The following KCNK9 variants were observed in gnomAD, a reference collection of about 807,000 sequenced individuals.
The protein encoded by KCNK9 is potassium channel subfamily K member 9.
Under a neutral mutation model 10.8 loss-of-function variants are expected in KCNK9, and 1 was observed. That is an observed-to-expected ratio of 0.09 (90% CI 0.03 to 0.44). KCNK9 has a LOEUF of 0.44. Among genes scored for constraint, KCNK9 ranks in the 20% least tolerant of loss-of-function variants. The probability of loss-of-function intolerance (pLI) is 0.97; values close to 1 mark genes in which losing one functional copy is unlikely to be tolerated. For missense variants in KCNK9, 303 were observed against 515.0 expected (o/e 0.59, Z 3.98); for synonymous variants, 231 against 222.7 (o/e 1.04, Z -0.33).
chr8:139,701,247 C>T (rs555479830), intron 1 of KCNK9, among the ~76,000 whole-genome samples: 2 of 152,164 alleles, frequency 1.3e-5, no homozygotes, highest in South Asian at 4.2e-4. Flanking sequence ...GGGCAAAGGG[C>T]GTGGGGCAAG....
chr8:139,664,603 C>T (rs904946759), intron 1 of KCNK9, among the ~76,000 whole-genome samples: 9 of 152,190 alleles, frequency 5.9e-5, no homozygotes, highest in African/African-American at 2.2e-4. Context: ...CTGCCGTCAC[C>T]TTTGTCAGGT....
intron 1 of KCNK9, among the ~76,000 whole-genome samples, chr8:139,623,853 T>A (rs1303582606): frequency 5.9e-5 from 9 of 151,754 alleles, no homozygotes; most frequent in Non-Finnish European, 2.9e-5. Context: ...GCACTAAAGG[T>A]AGAGATAATG....
chr8:139,607,515 T>C (rs1165699051), intron 2 of KCNK9, among the ~76,000 whole-genome samples: 1 of 152,170 alleles, frequency 6.6e-6, no homozygotes, highest in African/African-American at 2.4e-5. Context: ...AAGTGGAATT[T>C]GGTTCCCTGG....
intron 1 of KCNK9, among the ~76,000 whole-genome samples, chr8:139,658,252 G>A (rs935076791): frequency 6.6e-6 from 1 of 152,220 alleles, no homozygotes; most frequent in Non-Finnish European, 1.5e-5. Context: ...GAGGAGCCCA[G>A]TGAGCACTGC....
intron 1 of KCNK9, among the ~76,000 whole-genome samples, chr8:139,701,737 G>C (rs990328474): frequency 2.0e-5 from 3 of 152,036 alleles, no homozygotes; most frequent in Non-Finnish European, 4.4e-5. Flanking sequence ...TATCCACCAC[G>C]TCCACCCGAA....
At position 139,693,193 on chromosome 8, in the gene KCNK9, A is replaced by G. The variant is rs960525911; in HGVS notation, c.283+9517T>C. On this transcript the variant is annotated intron_variant, in intron 1 of 1. Transcript: ENST00000520439. The surrounding 1 kb of genome is among the most constrained non-coding windows in gnomAD (Gnocchi z 4.1). The stretch of plus-strand genomic sequence containing the variant: ...TGCACCTCACATGTCTGACAGGGCC[A>G]GTGACAGCCAAAGTCCATTTCACAA... Among the ~76,000 whole-genome samples the G allele has an allele frequency of 6.6e-6, 1 of 152,112 alleles. No homozygotes were observed. The highest frequency in any genetic ancestry group is 1.5e-5 in the Non-Finnish European group (1 of 68,020).
chr8:139,641,292 G>T (rs1000503569), intron 1 of KCNK9, among the ~76,000 whole-genome samples: 3 of 152,124 alleles, frequency 2.0e-5, no homozygotes, highest in Non-Finnish European at 4.4e-5. Flanking sequence ...TCACCGCATG[G>T]GGCTGCTGTC....
chr8:139,654,417 A>T (rs533580968), intron 1 of KCNK9, among the ~76,000 whole-genome samples: 1 of 152,244 alleles, frequency 6.6e-6, no homozygotes, highest in East Asian at 1.9e-4. Context: ...CAATGAGCAG[A>T]TGCCCTGCCC....
intron 1 of KCNK9, among the ~76,000 whole-genome samples, chr8:139,644,726 C>CCA (rs1554622169): frequency 6.8e-6 from 1 of 147,632 alleles, no homozygotes; most frequent in Non-Finnish European, 1.5e-5. Context: ...CCCCCCCCCC[C>CCA]AGAGCCTCCC....
At chr8:139,608,413 C>T (rs1814305330), downstream of KCNK9, among the ~76,000 whole-genome samples, 2 of 152,254 alleles carry the variant, frequency 1.3e-5, no homozygotes, top group Non-Finnish European at 2.9e-5. Context: ...TCTCCAGATC[C>T]TTCCTTCGCA....
chr8:139,655,279 G>A (rs1016737636), intron 1 of KCNK9, among the ~76,000 whole-genome samples: 6 of 152,152 alleles, frequency 3.9e-5, no homozygotes, highest in African/African-American at 9.7e-5. Flanking sequence ...GACCTCACTC[G>A]GTGCCCAAGA....
intron 1 of KCNK9, among the ~76,000 whole-genome samples, chr8:139,681,257 G>C (rs939061522): frequency 6.6e-6 from 1 of 152,220 alleles, no homozygotes; most frequent in East Asian, 1.9e-4. Flanking sequence ...CACACAATGA[G>C]AAAGAGGCAG....
chr8:139,670,650 G>C (rs1816405713), intron 1 of KCNK9, among the ~76,000 whole-genome samples: 1 of 152,092 alleles, frequency 6.6e-6, no homozygotes, highest in Non-Finnish European at 1.5e-5. Context: ...GGTACCAAAA[G>C]ACAAATATAT....
chr8:139,684,890 G>A (rs1316825667), intron 1 of KCNK9, among the ~76,000 whole-genome samples: 1 of 152,120 alleles, frequency 6.6e-6, no homozygotes, highest in Non-Finnish European at 1.5e-5. Context: ...GACCTGAAAT[G>A]ATGATGCTAA....
intron 1 of KCNK9, among the ~76,000 whole-genome samples, chr8:139,628,517 C>A (rs1189455065): frequency 1.3e-5 from 2 of 152,206 alleles, no homozygotes; most frequent in Non-Finnish European, 2.9e-5. Flanking sequence ...CAGGGCATGG[C>A]CCCCTCGTCT....
intron 1 of KCNK9, among the ~76,000 whole-genome samples, chr8:139,669,152 A>T (rs1228868813): frequency 6.6e-6 from 1 of 151,700 alleles, no homozygotes; most frequent in Non-Finnish European, 1.5e-5. Flanking sequence ...CTGAGCCTTG[A>T]GCAAGTTATA....
At chr8:139,677,410 T>C (rs1586684910) in intron 1 of KCNK9, among the ~76,000 whole-genome samples, 1 of 152,070 alleles carries the variant, frequency 6.6e-6, no homozygotes, top group African/African-American at 2.4e-5. Context: ...CAGGGGCTAG[T>C]CTGACCCCAA....
At chr8:139,611,014 G>A (rs959809534), downstream of KCNK9, among the ~76,000 whole-genome samples, 1 of 152,222 alleles carries the variant, frequency 6.6e-6, no homozygotes, top group Non-Finnish European at 1.5e-5. Flanking sequence ...TCTAAGGCTC[G>A]CCTCAGTGAT....
intron 1 of KCNK9, among the ~76,000 whole-genome samples, chr8:139,654,817 C>G (rs1346637852): frequency 6.6e-6 from 1 of 152,190 alleles, no homozygotes; most frequent in Non-Finnish European, 1.5e-5. Context: ...TGCACAGAGC[C>G]CCTGTGGCAT....
Sources: allele counts gnomAD v4.1 joint callset (sites outside exome capture counted in the v4.1 genomes callset), GRCh38; gene constraint gnomAD v4.1.1; non-coding constraint Gnocchi (gnomAD v3.1); transcripts MANE v1.5; gene names NCBI Gene and HGNC (gene_info 2026-07-23, HGNC 2026-07-21).